GNG12: variants seen among roughly 807,000 people sequenced by gnomAD.
GNG12 encodes the protein G protein subunit gamma 12.
For synonymous variants in GNG12, 28 were observed against 29.7 expected (o/e 0.94, Z 0.19); for missense variants, 69 against 83.8 (o/e 0.82, Z 0.69).
chr1:67,757,938 G>A (rs1212210241), intron 2 of GNG12, among the ~76,000 whole-genome samples: 2 of 152,168 alleles, frequency 1.3e-5, no homozygotes, highest in Non-Finnish European at 2.9e-5. Flanking sequence ...AGAATCGCAG[G>A]TCTGAAAAGG....
intron 2 of GNG12, among the ~76,000 whole-genome samples, chr1:67,732,038 G>A (rs994799507): frequency 1.3e-5 from 2 of 152,182 alleles, no homozygotes; most frequent in Non-Finnish European, 2.9e-5. Flanking sequence ...AAGAAGGTGG[G>A]AAGGTGCAAA....
chr1:67,782,002 G>A lies in GNG12; in HGVS notation c.-76-4495C>T, dbSNP rs187671616. On this transcript the variant is annotated intron_variant, in intron 1 of 3. Coordinates refer to ENST00000370982, the MANE Select transcript of GNG12 (RefSeq NM_018841.6). Reference sequence around the variant, plus strand: ...TAAAAACTCACTTCCCCAGTTGTATGAGCCACATTTCAAGTGGCCAAGCAG... The same window carrying A: ...TAAAAACTCACTTCCCCAGTTGTATAAGCCACATTTCAAGTGGCCAAGCAG... Among the ~76,000 whole-genome samples, 108 of 152,162 alleles carry A rather than the reference G, an allele frequency of 7.1e-4. 1 individual carries two copies. Among genetic ancestry groups the A allele is most frequent in the African/African-American group, 2.4e-3 (101 of 41,504 alleles).
At chr1:67,753,508 A>T (rs898557227) in intron 2 of GNG12, among the ~76,000 whole-genome samples, 1 of 152,210 alleles carries the variant, frequency 6.6e-6, no homozygotes, top group Non-Finnish European at 1.5e-5. Context: ...TCATAAAGTA[A>T]GGAGTGGTGG....
At chr1:67,815,515 G>A (rs114940002) in intron 1 of GNG12, among the ~76,000 whole-genome samples, 445 of 152,236 alleles carry the variant, frequency 2.9e-3, no homozygotes, top group Non-Finnish European at 4.2e-3. Context: ...GTGTACCTGT[G>A]GCCCTCATCC....
Position 67,735,422 on chromosome 1 carries a change from G to A in GNG12, c.-26-27710C>T, listed in dbSNP as rs962370806. The stretch of plus-strand genomic sequence containing the variant: ...CACACTTTGAGTGAATGCTGGCAAA[G>A]GGAGTTATTAGGAACAGGGCTTAAG... On this transcript the variant is annotated intron_variant, in intron 2 of 3. Transcript: ENST00000370982. Among the ~76,000 whole-genome samples, 45 of 152,308 alleles carry A rather than the reference G, an allele frequency of 3.0e-4. 1 individual carries two copies. The highest frequency in any genetic ancestry group is 2.0e-3 in the Admixed American group (31 of 15,304).
chr1:67,730,991 T>C (rs1237814064), intron 2 of GNG12, among the ~76,000 whole-genome samples: 2 of 152,178 alleles, frequency 1.3e-5, no homozygotes, highest in Admixed American at 6.5e-5. Context: ...ATCCAGAACA[T>C]CTGTCAGCTT....
At chr1:67,726,686 T>C (rs1378922829) in intron 2 of GNG12, among the ~76,000 whole-genome samples, 2 of 152,248 alleles carry the variant, frequency 1.3e-5, no homozygotes, top group Admixed American at 1.3e-4. Flanking sequence ...TTAGCTTTTT[T>C]CTAGTTAAAT....
intron 2 of GNG12, among the ~76,000 whole-genome samples, chr1:67,752,577 C>T (rs1158468419): frequency 6.6e-6 from 1 of 152,198 alleles, no homozygotes; most frequent in Non-Finnish European, 1.5e-5. Flanking sequence ...CTCATGGCAG[C>T]TATCACTAAT....
intron 2 of GNG12, among the ~76,000 whole-genome samples, chr1:67,736,709 C>T (rs1248524907): frequency 6.6e-6 from 1 of 152,182 alleles, no homozygotes; most frequent in East Asian, 1.9e-4. Context: ...TGGTAAGAAC[C>T]GTCTGGATCC....
intron 2 of GNG12, among the ~76,000 whole-genome samples, chr1:67,748,606 A>G (rs991220282): frequency 1.3e-5 from 2 of 152,182 alleles, no homozygotes; most frequent in East Asian, 1.9e-4. Context: ...AGTTCCTGAA[A>G]TAATTAACAT....
intron 2 of GNG12, among the ~76,000 whole-genome samples, chr1:67,737,688 G>C (rs1646460141): frequency 6.6e-6 from 1 of 151,896 alleles, no homozygotes. Context: ...TACTGGTTAT[G>C]AAAATACATA....
intron 2 of GNG12, among the ~76,000 whole-genome samples, chr1:67,743,485 A>G (rs767730798): frequency 1.3e-5 from 2 of 152,244 alleles, no homozygotes; most frequent in African/African-American, 2.4e-5. Flanking sequence ...CAAATGCAAC[A>G]GAAGAGTGAA....
At chr1:67,778,060 TTTAA>T (rs1462091720) in intron 1 of GNG12, among the ~76,000 whole-genome samples, 7 of 149,810 alleles carry the variant, frequency 4.7e-5, no homozygotes, top group Non-Finnish European at 7.4e-5. Flanking sequence ...ATTGAATATA[TTTAA>T]TAATAGATTA....
At position 67,734,922 on chromosome 1, in the gene GNG12, C is replaced by T. The variant is rs940779669; in HGVS notation, c.-26-27210G>A. 6.6e-5 allele frequency among the ~76,000 whole-genome samples: 10 copies of T among 152,272 alleles called. No individual in the cohort carries two copies. The East Asian group carries it at 7.7e-4, about 12-fold the overall frequency. ...AGGTTGTAGTGCAATGGCGTGATCT[C>T]GGCTCACTGTAACCTCTGCCTCCTG... On this transcript the variant is annotated intron_variant, in intron 2 of 3. Transcript: ENST00000370982.
At chr1:67,776,912 C>G (rs973514685) in intron 2 of GNG12, among the ~76,000 whole-genome samples, 22 of 152,088 alleles carry the variant, frequency 1.4e-4, no homozygotes, top group African/African-American at 5.3e-4. Flanking sequence ...ATATGAAGCC[C>G]CGGAAGCTTT....
intron 1 of GNG12, among the ~76,000 whole-genome samples, chr1:67,803,196 T>A (rs145566195): frequency 2.0e-5 from 3 of 150,608 alleles, no homozygotes; most frequent in Non-Finnish European, 4.4e-5. Flanking sequence ...TTGATATTTA[T>A]CCCATTAGGG....
At chr1:67,712,504 A>G in intron 2 of GNG12, among the ~76,000 whole-genome samples, 1 of 152,204 alleles carries the variant, frequency 6.6e-6, no homozygotes, top group East Asian at 1.9e-4. Flanking sequence ...CAGCCTGGGA[A>G]CATAGTAAAA....
intron 2 of GNG12, among the ~76,000 whole-genome samples, chr1:67,754,916 C>T (rs926589050): frequency 6.6e-6 from 1 of 152,260 alleles, no homozygotes; most frequent in Non-Finnish European, 1.5e-5. Context: ...ACTCTTTCCT[C>T]ATGTGATGAA....
chr1:67,823,705 C>G (rs1387462706), intron 1 of GNG12, among the ~76,000 whole-genome samples: 1 of 152,200 alleles, frequency 6.6e-6, no homozygotes, highest in East Asian at 1.9e-4. Flanking sequence ...CCGGGACATC[C>G]AATACATTCC....
Sources: gnomAD v4.1 joint callset for allele counts (sites outside exome capture counted in the v4.1 genomes callset) on GRCh38, gnomAD v4.1.1 for gene constraint, MANE v1.5 for transcripts, NCBI Gene and HGNC (gene_info 2026-07-23, HGNC 2026-07-21) for gene names.